QTGAL: variants seen among roughly 807,000 people sequenced by gnomAD.
The protein encoded by QTGAL is queuosine-tRNA galactosyltransferase.
the QTGAL span, among the ~76,000 whole-genome samples, chr17:82,974,970 T>C: frequency 1.0e-5 from 1 of 96,320 alleles, no homozygotes; most frequent in Non-Finnish European, 1.9e-5. Context: ...GAGGCCACTA[T>C]GGAGAGTCAG....
the QTGAL span, among the ~76,000 whole-genome samples, chr17:83,018,291 C>CACCT: frequency 2.3e-5 from 3 of 131,800 alleles, no homozygotes; most frequent in Admixed American, 2.3e-4. Context: ...AAACACGGTG[C>CACCT]GCCTGCATCA....
chr17:83,028,731 T>TA, the QTGAL span, among the ~76,000 whole-genome samples: 1 of 152,038 alleles, frequency 6.6e-6, no homozygotes, highest in Non-Finnish European at 1.5e-5. Flanking sequence ...TCCTTTAAGG[T>TA]AAAAACACCT....
At chr17:82,947,266 A>G in the QTGAL span, 1 of 452,604 alleles carries the variant, frequency 2.2e-6, no homozygotes, top group Admixed American at 3.9e-5. Context: ...GGGCACTCGG[A>G]ATGGAATGAG....
At chr17:83,006,321 T>G in the QTGAL span, 1 of 985,510 alleles carries the variant, frequency 1.0e-6, no homozygotes, top group Non-Finnish European at 1.2e-6. The surrounding 1 kb of genome is among the most constrained non-coding windows in gnomAD (Gnocchi z 5.8). Context: ...TTTCTACCAA[T>G]GCAGTTAATG....
chr17:82,964,034 G>GGA, the QTGAL span, among the ~76,000 whole-genome samples: 1 of 139,574 alleles, frequency 7.2e-6, no homozygotes, highest in African/African-American at 2.5e-5. Flanking sequence ...AGGTCGGGGG[G>GGA]GTGGATTGCT....
the QTGAL span, among the ~76,000 whole-genome samples, chr17:83,039,981 G>A: frequency 1.3e-5 from 2 of 152,168 alleles, no homozygotes; most frequent in African/African-American, 2.4e-5. Context: ...CAGAGGGACC[G>A]TAAACCCTCA....
chr17:83,014,559 T>C, the QTGAL span: 1 of 1,598,468 alleles, frequency 6.3e-7, no homozygotes, highest in African/African-American at 1.3e-5. Flanking sequence ...TTGTTTGCAT[T>C]GATTGATGCA....
the QTGAL span, chr17:82,948,392 A>C: frequency 6.6e-6 from 1 of 152,280 alleles, no homozygotes; most frequent in African/African-American, 2.4e-5. Flanking sequence ...ATTAGACCCG[A>C]GGCAGGGATG....
At chr17:83,037,921 CT>C in the QTGAL span, among the ~76,000 whole-genome samples, 5 of 152,086 alleles carry the variant, frequency 3.3e-5, no homozygotes, top group African/African-American at 1.2e-4. The surrounding 1 kb of genome is among the most constrained non-coding windows in gnomAD (Gnocchi z 5.2). Flanking sequence ...AGGCCAGTCC[CT>C]TTGTGAGGGG....
the QTGAL span, among the ~76,000 whole-genome samples, chr17:83,001,308 G>A: frequency 4.9e-4 from 75 of 152,228 alleles, no homozygotes; most frequent in African/African-American, 1.6e-3. Flanking sequence ...ATTCAACATC[G>A]TCCACAACAT....
chr17:82,973,744 G>C, the QTGAL span, among the ~76,000 whole-genome samples: 3 of 152,186 alleles, frequency 2.0e-5, no homozygotes, highest in Non-Finnish European at 4.4e-5. Flanking sequence ...AGCGGGCACA[G>C]AGCAGCCAGC....
chr17:82,978,988 G>A, the QTGAL span, among the ~76,000 whole-genome samples: 1 of 152,184 alleles, frequency 6.6e-6, no homozygotes, highest in African/African-American at 2.4e-5. The surrounding 1 kb of genome is among the most constrained non-coding windows in gnomAD (Gnocchi z 4.8). Flanking sequence ...AGTATGTAAA[G>A]GGAAGTTGCT....
chr17:83,041,676 G>T, the QTGAL span, among the ~76,000 whole-genome samples: 1 of 152,194 alleles, frequency 6.6e-6, no homozygotes, highest in African/African-American at 2.4e-5. Flanking sequence ...ATGCTTGGGG[G>T]CCTGGGAGCT....
chr17:83,029,687 C>G, the QTGAL span, among the ~76,000 whole-genome samples: 1 of 152,160 alleles, frequency 6.6e-6, no homozygotes, highest in African/African-American at 2.4e-5. Context: ...CAGGACACAG[C>G]GCGTCTGCAC....
At chr17:83,044,841 G>A in the QTGAL span, among the ~76,000 whole-genome samples, 1 of 152,064 alleles carries the variant, frequency 6.6e-6, no homozygotes, top group African/African-American at 2.4e-5. Context: ...AGCTGCTCGG[G>A]AGGCTGAGAC....
At chr17:82,971,090 C>T in the QTGAL span, among the ~76,000 whole-genome samples, 7 of 152,128 alleles carry the variant, frequency 4.6e-5, no homozygotes, top group Non-Finnish European at 8.8e-5. Context: ...GGGGTCCCCT[C>T]GAGACCCCAG....
At chr17:82,972,683 T>TGACCA in the QTGAL span, among the ~76,000 whole-genome samples, 3 of 117,848 alleles carry the variant, frequency 2.5e-5, no homozygotes, top group African/African-American at 4.0e-5. Context: ...GACCCGGTAC[T>TGACCA]GACCACACCA....
At chr17:83,046,905 C>G in the QTGAL span, among the ~76,000 whole-genome samples, 1 of 152,220 alleles carries the variant, frequency 6.6e-6, no homozygotes, top group Non-Finnish European at 1.5e-5. Context: ...AGGAACGGAG[C>G]ACGATACATG....
the QTGAL span, among the ~76,000 whole-genome samples, chr17:82,946,664 TAAAAGTTAATC>T: frequency 6.6e-6 from 1 of 151,064 alleles, no homozygotes; most frequent in African/African-American, 2.4e-5. Flanking sequence ...TAATGAAAGA[TAAAAGTTAATC>T]AAAACAGATA....
Sources: allele counts gnomAD v4.1 joint callset (sites outside exome capture counted in the v4.1 genomes callset), GRCh38; gene constraint gnomAD v4.1.1; non-coding constraint Gnocchi (gnomAD v3.1); transcripts MANE v1.5; gene names NCBI Gene and HGNC (gene_info 2026-07-23, HGNC 2026-07-21).